Variants in CNTN4 observed in about 807,000 individuals in gnomAD.
CNTN4 encodes contactin 4.
A neutral mutation model predicts 122.5 loss-of-function variants in CNTN4; 77 were observed. The ratio of observed to expected loss-of-function variants is 0.63; its 90% CI spans 0.52 to 0.76. CNTN4 has a LOEUF of 0.76. Among genes scored for constraint, CNTN4 ranks in the 30% least tolerant of loss-of-function variants. CNTN4 has a pLI of 0.00. For missense variants in CNTN4, 1,256 were observed against 1,259.1 expected (o/e 1.00, Z 0.04); for synonymous variants, 512 against 447.0 (o/e 1.15, Z -1.83).
intron 14 of CNTN4, among the ~76,000 whole-genome samples, chr3:3,014,279 A>G (rs1014570337): frequency 6.6e-6 from 1 of 152,212 alleles, no homozygotes; most frequent in African/African-American, 2.4e-5. Context: ...TAGTAGTACT[A>G]GAGTGCTTCA....
At position 2,535,273 on chromosome 3, in the gene CNTN4, C is replaced by G. The variant is rs141239667; in HGVS notation, c.-88-36143C>G. On this transcript the variant is annotated intron_variant, in intron 3 of 24. Transcript: ENST00000418658. ...TTGATCCTCCCCCTTTTAAATCTGT[C>G]CTCAATTCTTTCTAAAGCTATGACT... Among the ~76,000 whole-genome samples the G allele has an allele frequency of 2.5e-4, 38 of 152,190 alleles. No individual in the cohort carries two copies. In the East Asian group the frequency reaches 7.2e-3, roughly 29 times the overall value.
intron 3 of CNTN4, among the ~76,000 whole-genome samples, chr3:2,466,970 C>CTTT (rs60879017): frequency 9.6e-4 from 111 of 115,716 alleles, no homozygotes; most frequent in African/African-American, 1.6e-3. Flanking sequence ...TTCTTTCTTT[C>CTTT]TTTTTTTTTT....
At chr3:2,435,970 C>T (rs1176316346) in intron 3 of CNTN4, among the ~76,000 whole-genome samples, 1 of 152,130 alleles carries the variant, frequency 6.6e-6, no homozygotes, top group Non-Finnish European at 1.5e-5. Context: ...AGAGACAATG[C>T]AGGTCAAAAA....
chr3:2,708,783 T>C (rs897527408), intron 4 of CNTN4, among the ~76,000 whole-genome samples: 8 of 149,302 alleles, frequency 5.4e-5, no homozygotes, highest in Non-Finnish European at 1.2e-4. Flanking sequence ...CAGAAGAAAA[T>C]GATAGGATTT....
intron 3 of CNTN4, among the ~76,000 whole-genome samples, chr3:2,352,431 C>T (rs543019596): frequency 3.3e-5 from 5 of 152,256 alleles, no homozygotes; most frequent in South Asian, 4.1e-4. Context: ...GCGCAGCGCT[C>T]GCAGGCCAGC....
chr3:2,110,388 T>C, intron 2 of CNTN4: 1 of 152,266 alleles, frequency 6.6e-6, no homozygotes, highest in East Asian at 1.9e-4. Context: ...CTACAATCTT[T>C]ACAACTTATA....
At chr3:2,938,828 C>G (rs1231659051) in intron 13 of CNTN4, among the ~76,000 whole-genome samples, 1 of 152,162 alleles carries the variant, frequency 6.6e-6, no homozygotes, top group Non-Finnish European at 1.5e-5. Flanking sequence ...TCAGCCGTGC[C>G]TTTGTTCAGA....
chr3:2,231,690 T>A (rs1273530123), intron 2 of CNTN4, among the ~76,000 whole-genome samples: 1 of 152,212 alleles, frequency 6.6e-6, no homozygotes, highest in East Asian at 1.9e-4. Context: ...ATAAAAGCAC[T>A]TTTTCTTCAC....
At chr3:2,169,424 T>TTG (rs1243191536) in intron 2 of CNTN4, among the ~76,000 whole-genome samples, 1 of 151,904 alleles carries the variant, frequency 6.6e-6, no homozygotes, top group Non-Finnish European at 1.5e-5. Context: ...TTTTTTTTTT[T>TTG]GAGACGGAGT....
chr3:2,913,060 G>A (rs149657473), intron 12 of CNTN4, among the ~76,000 whole-genome samples: 1 of 152,144 alleles, frequency 6.6e-6, no homozygotes, highest in Non-Finnish European at 1.5e-5. Context: ...GCTGAGGCAG[G>A]AGACTCACTT....
At chr3:2,286,804 T>C (rs571785539) in intron 2 of CNTN4, among the ~76,000 whole-genome samples, 12 of 152,248 alleles carry the variant, frequency 7.9e-5, no homozygotes, top group Admixed American at 5.9e-4. Flanking sequence ...GGGACATGGT[T>C]AATCATAGTG....
Position 3,042,303 on chromosome 3 carries a change from T to C in CNTN4, c.2399-7T>C, listed in dbSNP as rs759156855. The C allele has an allele frequency of 8.7e-6, 14 of 1,604,264 alleles. No homozygotes were observed. The East Asian group carries it at 1.8e-4, about 20-fold the overall frequency. On this transcript the variant is annotated splice_polypyrimidine_tract_variant and splice_region_variant and intron_variant, in intron 20 of 24. Transcript: ENST00000418658. ...AGAGTAATAACTATCTCCATATTCA[T>C]CTACAGAACCCACCAAACCACCAGC...
At chr3:2,671,128 G>A (rs1348220464) in intron 4 of CNTN4, among the ~76,000 whole-genome samples, 1 of 152,126 alleles carries the variant, frequency 6.6e-6, no homozygotes, top group African/African-American at 2.4e-5. Context: ...TCCTGAATTT[G>A]AATGTTGGCC....
chr3:2,191,312 G>C (rs2037534451), intron 2 of CNTN4, among the ~76,000 whole-genome samples: 1 of 150,908 alleles, frequency 6.6e-6, no homozygotes, highest in African/African-American at 2.4e-5. Context: ...TTATTCTCAA[G>C]TTTACCCAAA....
chr3:2,446,592 C>T (rs1481304852), intron 3 of CNTN4, among the ~76,000 whole-genome samples: 1 of 152,158 alleles, frequency 6.6e-6, no homozygotes, highest in African/African-American at 2.4e-5. Flanking sequence ...TACCTTCACC[C>T]TCACTCCTTG....
At chr3:2,541,278 G>C (rs1191935812) in intron 3 of CNTN4, among the ~76,000 whole-genome samples, 1 of 152,000 alleles carries the variant, frequency 6.6e-6, no homozygotes, top group African/African-American at 2.4e-5. Context: ...ACTTTCCTTA[G>C]TTTTTTTCTT....
rs898534851 is a variant in CNTN4, at chr3:2,257,017, C to A, written c.-144-82161C>A. ...GCAAAAAGAACAAGGCTGGAGGCATCAGGCTACCTGACTTCAAACTATACG... is the reference window on the plus strand; with the variant it reads ...GCAAAAAGAACAAGGCTGGAGGCATAAGGCTACCTGACTTCAAACTATACG... On this transcript the variant is annotated intron_variant, in intron 2 of 24. Transcript: ENST00000418658. Among the ~76,000 whole-genome samples, 4 of 152,262 alleles carry A rather than the reference C, an allele frequency of 2.6e-5. No homozygotes were observed. In the South Asian group the frequency reaches 8.3e-4, roughly 32 times the overall value.
intron 4 of CNTN4, among the ~76,000 whole-genome samples, chr3:2,621,137 A>C (rs998141517): frequency 5.8e-5 from 8 of 137,038 alleles, no homozygotes; most frequent in African/African-American, 2.3e-4. Flanking sequence ...GGACACATAG[A>C]AAGTTCTCAG....
At chr3:2,839,687 C>G (rs1559563300) in intron 7 of CNTN4, among the ~76,000 whole-genome samples, 1 of 152,148 alleles carries the variant, frequency 6.6e-6, no homozygotes, top group East Asian at 1.9e-4. Flanking sequence ...GTACACATCT[C>G]ATCAATAAGG....
Sources: allele counts gnomAD v4.1 joint callset (sites outside exome capture counted in the v4.1 genomes callset), GRCh38; gene constraint gnomAD v4.1.1; transcripts MANE v1.5; gene names NCBI Gene and HGNC (gene_info 2026-07-23, HGNC 2026-07-21).